EXOC2: variants seen among roughly 807,000 people sequenced by gnomAD.
The protein encoded by EXOC2 is exocyst complex component 2.
Under a neutral mutation model 131.8 loss-of-function variants are expected in EXOC2, and 70 were observed. That is an observed-to-expected ratio of 0.53 (90% CI 0.44 to 0.65). The LOEUF (loss-of-function observed/expected upper bound fraction) is 0.65, where lower values mean the gene tolerates loss of function less well. Ranked by LOEUF, EXOC2 falls within the 30% of genes least tolerant of loss-of-function variation. The pLI is 0.00. For synonymous variants in EXOC2, 411 were observed against 398.4 expected, an observed-to-expected ratio of 1.03 and a Z score of -0.38; for missense variants, 923 against 1,108.6, an observed-to-expected ratio of 0.83 and a Z score of 2.38.
At chr6:550,629 G>A (rs761099) in intron 21 of EXOC2, among the ~76,000 whole-genome samples, 10,962 of 152,176 alleles carry the variant, frequency 0.072, 835 homozygotes, top group East Asian at 0.4. Flanking sequence ...GTGAATAAAC[G>A]GCCAGAAGGA....
intron 7 of EXOC2, among the ~76,000 whole-genome samples, chr6:609,628 C>T (rs1760612227): frequency 6.6e-6 from 1 of 152,124 alleles, no homozygotes; most frequent in Non-Finnish European, 1.5e-5. Context: ...TCTTAAATAG[C>T]CAGCTGCCTT....
At chr6:671,348 C>CA (rs1174031703) in intron 1 of EXOC2, among the ~76,000 whole-genome samples, 154 of 90,494 alleles carry the variant, frequency 1.7e-3, no homozygotes, top group East Asian at 8.4e-3. Flanking sequence ...ACAACAACAA[C>CA]AACAACAAAA....
intron 23 of EXOC2, among the ~76,000 whole-genome samples, chr6:507,169 CCCACACACACAGCAGTGACCCCCCCCA>C (rs1764595251): frequency 2.2e-5 from 1 of 45,318 alleles, no homozygotes; most frequent in African/African-American, 6.9e-5. Flanking sequence ...GACCCCCCCA[CCCACACACACAGCAGTGACCCCCCCCA>C]CACACACACA....
chr6:607,788 CAAG>C (rs1561919366), intron 7 of EXOC2, among the ~76,000 whole-genome samples: 4 of 152,050 alleles, frequency 2.6e-5, no homozygotes, highest in African/African-American at 9.7e-5. Flanking sequence ...GGCTTGAAAT[CAAG>C]AATAAGTTAT....
Position 506,450 on chromosome 6 carries a change from T to C in EXOC2, c.2381-6750A>G, listed in dbSNP as rs1457587375. ...AATACAAGGCAAACGGATTTGCTCC[T>C]TGGAGTTAAAGGCTACATTATTATG... On this transcript the variant is annotated intron_variant, in intron 23 of 27. Coordinates refer to ENST00000230449, the MANE Select transcript of EXOC2 (RefSeq NM_018303.6). The surrounding 1 kb of genome is among the most constrained non-coding windows in gnomAD (Gnocchi z 4.4). Among the ~76,000 whole-genome samples the C allele has an allele frequency of 6.6e-6, 1 of 152,166 alleles. No homozygotes were observed. The highest frequency in any genetic ancestry group is 1.9e-4 in the East Asian group (1 of 5,198).
At chr6:673,603 C>T (rs975868392) in intron 1 of EXOC2, among the ~76,000 whole-genome samples, 2 of 152,102 alleles carry the variant, frequency 1.3e-5, no homozygotes, top group African/African-American at 4.8e-5. Flanking sequence ...GCATAATGCA[C>T]CAAGGCCTCA....
At chr6:598,145 C>T in intron 9 of EXOC2, 22 bp from the exon 10 acceptor site, 3 of 1,552,166 alleles carry the variant, frequency 1.9e-6, no homozygotes, top group South Asian at 2.3e-5. Flanking sequence ...GAAAAGAATA[C>T]ACAAGATTTA....
chr6:565,995 A>G (rs1757944893), intron 13 of EXOC2, among the ~76,000 whole-genome samples: 1 of 152,216 alleles, frequency 6.6e-6, no homozygotes, highest in South Asian at 2.1e-4. Flanking sequence ...ACATACACAG[A>G]CCAACATCCT....
chr6:525,965 A>C (rs757450094), intron 23 of EXOC2, among the ~76,000 whole-genome samples: 68 of 152,356 alleles, frequency 4.5e-4, no homozygotes, highest in Admixed American at 1.1e-3. Context: ...CAAATTATCT[A>C]ACCAATTCAC....
intron 11 of EXOC2, among the ~76,000 whole-genome samples, chr6:589,336 G>A (rs1373754628): frequency 2.6e-5 from 4 of 151,588 alleles, no homozygotes; most frequent in Admixed American, 6.6e-5. Context: ...GCACCTGCAC[G>A]GTGTCTGGAA....
chr6:543,319 G>A (rs1455855627), intron 22 of EXOC2, among the ~76,000 whole-genome samples: 2 of 152,210 alleles, frequency 1.3e-5, no homozygotes, highest in Non-Finnish European at 2.9e-5. Context: ...CTGCAACATG[G>A]ATGGTACTGG....
At chr6:578,852 T>G (rs1001206238) in intron 11 of EXOC2, among the ~76,000 whole-genome samples, 6 of 152,212 alleles carry the variant, frequency 3.9e-5, no homozygotes, top group Non-Finnish European at 8.8e-5. Context: ...GTGTGGATGT[T>G]CTAGTGATTT....
chr6:593,510 C>CT (rs1759656551), intron 10 of EXOC2, among the ~76,000 whole-genome samples: 1 of 152,162 alleles, frequency 6.6e-6, no homozygotes, highest in East Asian at 1.9e-4. Context: ...TATATCAAGT[C>CT]TTTGTCTATA....
At chr6:567,246 T>G (rs1199070627) in intron 13 of EXOC2, among the ~76,000 whole-genome samples, 1 of 149,582 alleles carries the variant, frequency 6.7e-6, no homozygotes, top group African/African-American at 2.4e-5. Flanking sequence ...CGCTTCTTCC[T>G]TTTCTGATAA....
chr6:561,924 C>A (rs1167720529), intron 17 of EXOC2, among the ~76,000 whole-genome samples: 1 of 152,190 alleles, frequency 6.6e-6, no homozygotes, highest in East Asian at 1.9e-4. Context: ...ACAGGAGCAG[C>A]CACGTGCTCT....
chr6:564,632 C>A lies in EXOC2; in HGVS notation c.1580G>T (p.Arg527Leu), dbSNP rs139082353. The A allele has an allele frequency of 4.3e-6, 7 of 1,612,824 alleles. No homozygotes were observed. The highest frequency in any genetic ancestry group is 1.7e-5 in the Admixed American group (1 of 59,780). The change falls in exon 15 of 28, where the codon CGG becomes CTG. Residue 527 changes from arginine (R) to leucine (L), a missense_variant. Arg to Leu is a moderately radical substitution (Grantham distance 102). Transcript: ENST00000230449. ...TCCGTACTGCTTGGCTTCCCCATCCCGGATGCTGAGGGGAAGCAGGGCTCC... is the reference window on the plus strand; with the variant it reads ...TCCGTACTGCTTGGCTTCCCCATCCAGGATGCTGAGGGGAAGCAGGGCTCC... Reference protein sequence around the residue: ...TRGALLPLSIRDGEAKQYGGW... With the variant: ...TRGALLPLSILDGEAKQYGGW...
intron 23 of EXOC2, among the ~76,000 whole-genome samples, chr6:528,736 G>T (rs2493034): frequency 0.67 from 102,316 of 152,066 alleles, 34,934 homozygotes; most frequent in South Asian, 0.79. Context: ...TAATTTTGTA[G>T]TGAAGATTAT....
At chr6:651,136 T>C (rs1204794988) in intron 1 of EXOC2, among the ~76,000 whole-genome samples, 1 of 151,938 alleles carries the variant, frequency 6.6e-6, no homozygotes, top group Non-Finnish European at 1.5e-5. Flanking sequence ...GTTCACGCCA[T>C]TCTCCTGCCT....
chr6:543,111 A>G (rs915933828), intron 22 of EXOC2, among the ~76,000 whole-genome samples: 6 of 152,246 alleles, frequency 3.9e-5, no homozygotes, highest in Non-Finnish European at 8.8e-5. Flanking sequence ...AAGCTTGGAC[A>G]GGAACAGCAA....
Sources: gnomAD v4.1 joint callset for allele counts (sites outside exome capture counted in the v4.1 genomes callset) on GRCh38, gnomAD v4.1.1 for gene constraint, Gnocchi (gnomAD v3.1) non-coding constraint, MANE v1.5 for transcripts, NCBI Gene and HGNC (gene_info 2026-07-23, HGNC 2026-07-21) for gene names.